The following IFIH1 variants were observed in gnomAD, a reference collection of about 807,000 sequenced individuals.
The protein encoded by IFIH1 is interferon-induced helicase C domain-containing protein 1.
Under a neutral mutation model 107.4 loss-of-function variants are expected in IFIH1, and 125 were observed. That is an observed-to-expected ratio of 1.16 (90% confidence interval 1.01 to 1.35). The LOEUF (loss-of-function observed/expected upper bound fraction) is 1.35. IFIH1 is among the 40% of genes most tolerant of loss of function. The pLI is 0.00. For missense variants in IFIH1, 1,333 were observed against 1,213.7 expected, an observed-to-expected ratio of 1.10 and a Z score of -1.46; for synonymous variants, 458 against 413.2, an observed-to-expected ratio of 1.11 and a Z score of -1.31.
At chr2:162,292,193 T>C (rs749701261) in intron 4 of IFIH1, among the ~76,000 whole-genome samples, 1 of 151,838 alleles carries the variant, frequency 6.6e-6, no homozygotes, top group Non-Finnish European at 1.5e-5. Flanking sequence ...AAACAACCTA[T>C]AATGATGTTA....
intron 5 of IFIH1, among the ~76,000 whole-genome samples, chr2:162,285,748 A>G (rs185444593): frequency 6.6e-6 from 1 of 152,142 alleles, no homozygotes; most frequent in East Asian, 1.9e-4. Flanking sequence ...GCTAGAATAT[A>G]GCATTGAGAA....
chr2:162,269,261 A>G (rs546505020), intron 13 of IFIH1, among the ~76,000 whole-genome samples: 1 of 152,346 alleles, frequency 6.6e-6, no homozygotes, highest in South Asian at 2.1e-4. Flanking sequence ...GATAGCTGGC[A>G]TGTGTACCTT....
intron 4 of IFIH1, among the ~76,000 whole-genome samples, chr2:162,290,878 A>G (rs756477225): frequency 6.6e-5 from 10 of 151,878 alleles, no homozygotes; most frequent in Non-Finnish European, 1.3e-4. Context: ...CCTCTGACAC[A>G]GGGATGGAAG....
intron 3 of IFIH1, among the ~76,000 whole-genome samples, chr2:162,304,288 C>T (rs36084110): frequency 0.019 from 2,843 of 152,206 alleles, 43 homozygotes; most frequent in Non-Finnish European, 0.029. Flanking sequence ...TGGTGAAACC[C>T]CATTCTCTAA....
chr2:162,276,543 T>C, intron 11 of IFIH1, 144 bp downstream of exon 11: 2 of 851,834 alleles, frequency 2.3e-6, no homozygotes, highest in Non-Finnish European at 3.5e-6. Flanking sequence ...AGGTCAAGGG[T>C]GCAGTGAATC....
intron 9 of IFIH1, 120 bp from the exon 10 acceptor site, chr2:162,277,813 G>T (rs1359472934): frequency 3.4e-6 from 4 of 1,173,466 alleles, no homozygotes; most frequent in African/African-American, 3.1e-5. Flanking sequence ...TTTAAAATGG[G>T]CAAGTTAAGG....
intron 1 of IFIH1, among the ~76,000 whole-genome samples, chr2:162,311,380 C>T (rs1683382371): frequency 1.3e-5 from 2 of 152,028 alleles, no homozygotes; most frequent in Non-Finnish European, 2.9e-5. Context: ...GGAAATCAAA[C>T]ATTTCTTATC....
intron 11 of IFIH1, among the ~76,000 whole-genome samples, chr2:162,276,470 T>G (rs1281101740): frequency 6.6e-6 from 1 of 151,976 alleles, no homozygotes; most frequent in Admixed American, 6.6e-5. Flanking sequence ...TTGGGTGTGG[T>G]GGTGCACACC....
chr2:162,299,567 G>A (rs1282303434), intron 3 of IFIH1, among the ~76,000 whole-genome samples: 1 of 152,000 alleles, frequency 6.6e-6, no homozygotes, highest in East Asian at 1.9e-4. Flanking sequence ...AAAGAGATGT[G>A]CACACTGGGG....
chr2:162,314,416 T>TTTCTTTCTTTTCTTTCTTTC (rs71009355), intron 1 of IFIH1, among the ~76,000 whole-genome samples: 51 of 51,460 alleles, frequency 9.9e-4, no homozygotes, highest in East Asian at 4.7e-3. Context: ...TCTTTCTTTC[T>TTTCTTTCTTTTCTTTCTTTC]TTTCTTTCTT....
At chr2:162,307,039 A>G in intron 2 of IFIH1, 184 bp from the exon 3 acceptor site, 1 of 504,762 alleles carries the variant, frequency 2.0e-6, no homozygotes, top group Non-Finnish European at 3.5e-6. Flanking sequence ...ATTTTATACA[A>G]TATAAATAGC....
intron 1 of IFIH1, among the ~76,000 whole-genome samples, chr2:162,315,221 C>T (rs1470232063): frequency 1.3e-5 from 2 of 152,180 alleles, no homozygotes; most frequent in Admixed American, 1.3e-4. Flanking sequence ...CATTCTCTAA[C>T]GCCTGGCAAC....
intron 2 of IFIH1, among the ~76,000 whole-genome samples, chr2:162,308,104 T>C (rs1424280442): frequency 1.3e-5 from 2 of 152,198 alleles, no homozygotes; most frequent in Non-Finnish European, 2.9e-5. Context: ...GTAGTCTGTT[T>C]ATGCTGCCAT....
chr2:162,277,049 A>G, intron 10 of IFIH1, 103 bp from the exon 11 acceptor site: 2 of 785,364 alleles, frequency 2.5e-6, no homozygotes, highest in South Asian at 4.2e-5. Flanking sequence ...ATACAGTTTT[A>G]TTGATTAAAA....
intron 3 of IFIH1, among the ~76,000 whole-genome samples, chr2:162,298,782 G>A (rs186947116): frequency 6.7e-6 from 1 of 149,216 alleles, no homozygotes; most frequent in Non-Finnish European, 1.5e-5. Flanking sequence ...ACACACGCAC[G>A]CGCGCGCGCA....
At chr2:162,295,602 A>G (rs774286416) in intron 3 of IFIH1, among the ~76,000 whole-genome samples, 1 of 152,054 alleles carries the variant, frequency 6.6e-6, no homozygotes, top group Non-Finnish European at 1.5e-5. Flanking sequence ...TATTAGCACA[A>G]CATAAATATA....
chr2:162,278,960 T>C (rs542949892), intron 8 of IFIH1, among the ~76,000 whole-genome samples: 27 of 152,186 alleles, frequency 1.8e-4, no homozygotes, highest in Non-Finnish European at 3.1e-4. Context: ...GTATTCAGTT[T>C]AGGAAAATTC....
At position 162,272,438 on chromosome 2, in the gene IFIH1, T is replaced by C. The variant is rs773737582; in HGVS notation, c.2455-51A>G. On this transcript the variant is annotated intron_variant, in intron 12 of 15. Transcript: ENST00000649979. Reference sequence around the variant, plus strand: ...ATGAAAGGGTACGTTGTGATACAAATCCTCCTGGTTTTTTCTGGGAATGAT... The same window carrying C: ...ATGAAAGGGTACGTTGTGATACAAACCCTCCTGGTTTTTTCTGGGAATGAT... 9 of 1,501,684 alleles carry C rather than the reference T, an allele frequency of 6.0e-6. No individual in the cohort carries two copies. In the Admixed American group the frequency reaches 1.8e-4, roughly 29 times the overall value. 93.0% of individuals were successfully genotyped at this position (1,501,684 alleles called of 1,614,324 possible).
intron 1 of IFIH1, among the ~76,000 whole-genome samples, chr2:162,317,511 A>G (rs935924962): frequency 6.6e-6 from 1 of 152,206 alleles, no homozygotes; most frequent in African/African-American, 2.4e-5. Context: ...AATGGAGTTA[A>G]TAACATTAGG....
Sources: allele counts gnomAD v4.1 joint callset (sites outside exome capture counted in the v4.1 genomes callset), GRCh38; gene constraint gnomAD v4.1.1; transcripts MANE v1.5; gene names NCBI Gene and HGNC (gene_info 2026-07-23, HGNC 2026-07-21).